The following SMR3B variants were observed in gnomAD, a reference collection of about 807,000 sequenced individuals.
The protein encoded by SMR3B is submaxillary gland androgen regulated protein 3B, also known as submaxillary gland androgen-regulated protein 3B.
For synonymous variants in SMR3B, 42 were observed against 36.1 expected, an observed-to-expected ratio of 1.16 and a Z score of -0.59; for missense variants, 114 against 99.9, an observed-to-expected ratio of 1.14 and a Z score of -0.60.
At chr4:70,388,230 T>A (rs1732699654) in intron 2 of SMR3B, among the ~76,000 whole-genome samples, 1 of 152,186 alleles carries the variant, frequency 6.6e-6, no homozygotes, top group Non-Finnish European at 1.5e-5. Flanking sequence ...AACTGATCGC[T>A]TTAACTCCTT....
chr4:70,384,662 A>T, intron 2 of SMR3B, 98 bp downstream of exon 2: 1 of 1,556,698 alleles, frequency 6.4e-7, no homozygotes, highest in Admixed American at 2.0e-5. Context: ...TTTCTTATAT[A>T]TTAGTAACTA....
In SMR3B at chr4:70,386,457, CAAAT is replaced by C. The variant is rs796556659; in HGVS notation, c.54+1897_54+1900del. Among the ~76,000 whole-genome samples, 34 of 151,542 alleles carry C rather than the reference CAAAT, an allele frequency of 2.2e-4. No homozygotes were observed. In the East Asian group the frequency reaches 4.9e-3, roughly 22 times the overall value. On this transcript the variant is annotated intron_variant, in intron 2 of 2. Coordinates refer to ENST00000304915, the MANE Select transcript of SMR3B (RefSeq NM_006685.4). ...GTGTATATGTACACACACACACACA[CAAAT>C]AAAGCAAGTCTAACTACTATTAGTC...
rs1029809280 is a variant in SMR3B, at chr4:70,383,192, A to T, written c.-35A>T. On this transcript the variant is annotated 5_prime_UTR_variant, in exon 1 of 3. Coordinates refer to ENST00000304915, the MANE Select transcript of SMR3B (RefSeq NM_006685.4). ...TTTGACCAGCAGATTAATCAACTGT[A>T]AGACAGATCCTCACACAAAGGTAGG... 1 of 152,124 alleles carries T rather than the reference A, an allele frequency of 6.6e-6. No homozygotes were observed. Among genetic ancestry groups the T allele is most frequent in the Non-Finnish European group, 1.5e-5 (1 of 68,002 alleles). The allele number at this position is 152,124 out of a possible 1,614,324, so 9.4% of individuals were successfully genotyped here. A position where few individuals can be genotyped will look rare whatever the true frequency, so the allele number is the denominator to read the frequency against.
intron 2 of SMR3B, 131 bp from the exon 3 acceptor site, chr4:70,389,532 G>A (rs1732722831): frequency 9.0e-6 from 8 of 886,306 alleles, no homozygotes; most frequent in Non-Finnish European, 1.2e-5. Context: ...GATAAGGTCA[G>A]GCCAGCATGT....
chr4:70,389,907 C>T lies in SMR3B; in HGVS notation c.*59C>T, dbSNP rs1732733554. On this transcript the variant is annotated 3_prime_UTR_variant, in exon 3 of 3. Transcript: ENST00000304915. ...CCACAGCCTCCTTCCCGACCAAGAC[C>T]CTATCCACCTGGACCTCCATTTTTC... The T allele has an allele frequency of 9.3e-6, 15 of 1,608,722 alleles. 1 individual carries two copies. The Middle Eastern group carries it at 4.9e-4, about 53-fold the overall frequency.
chr4:70,383,796 T>A (rs1222110332), intron 1 of SMR3B, among the ~76,000 whole-genome samples: 2 of 152,100 alleles, frequency 1.3e-5, no homozygotes, highest in East Asian at 1.9e-4. Context: ...TTCCCAAAAA[T>A]CAAGCTATCA....
chr4:70,386,222 A>G (rs1391413906), intron 2 of SMR3B, among the ~76,000 whole-genome samples: 1 of 150,814 alleles, frequency 6.6e-6, no homozygotes, highest in Non-Finnish European at 1.5e-5. Flanking sequence ...GCAGCGAGCC[A>G]AGATTGTGCC....
chr4:70,386,698 T>C (rs999539114), intron 2 of SMR3B, among the ~76,000 whole-genome samples: 1 of 152,324 alleles, frequency 6.6e-6, no homozygotes, highest in Non-Finnish European at 1.5e-5. Flanking sequence ...ATACTTACTA[T>C]GAAGATTTTT....
chr4:70,389,709 C>T lies in SMR3B; in HGVS notation c.101C>T (p.Pro34Leu), dbSNP rs1289351944. 2.4e-5 allele frequency: 39 copies of T among 1,614,024 alleles called. No homozygotes were observed. In the Admixed American group the frequency reaches 2.5e-4, roughly 10 times the overall value. ...RGPRGPYPPG[P>L]LAPPQPFGPG... The stretch of plus-strand genomic sequence containing the variant: ...CCCAGGGGACCATATCCACCTGGAC[C>T]GCTGGCTCCTCCTCAACCTTTTGGC... The change falls in exon 3 of 3, where the codon CCG (proline) becomes CTG (leucine). Residue 34 changes from proline (P) to leucine (L), a missense_variant. Physicochemically the swap from Pro to Leu is moderately conservative, Grantham distance 98. Coordinates refer to ENST00000304915, the MANE Select transcript of SMR3B (RefSeq NM_006685.4).
In SMR3B at chr4:70,383,372, C is replaced by T. The variant is rs144890986; in HGVS notation, c.-15+160C>T. On this transcript the variant is annotated intron_variant, in intron 1 of 2. Coordinates refer to ENST00000304915, the MANE Select transcript of SMR3B (RefSeq NM_006685.4). ...ACATGAAATTGTAAGTCATTAAATG[C>T]AATAAATTTTGAAAAATTCTGGTTT... is the stretch of plus-strand genomic sequence containing the variant. 1.9e-3 allele frequency among the ~76,000 whole-genome samples: 292 copies of T among 152,068 alleles called. 1 individual carries two copies. Among genetic ancestry groups the T allele is most frequent in the African/African-American group, 6.6e-3 (273 of 41,504 alleles).
chr4:70,386,188 G>T (rs191269177), intron 2 of SMR3B, among the ~76,000 whole-genome samples: 1 of 149,388 alleles, frequency 6.7e-6, no homozygotes, highest in Non-Finnish European at 1.5e-5. Flanking sequence ...CAGGAGAATC[G>T]CTTGAACCCG....
intron 1 of SMR3B, among the ~76,000 whole-genome samples, chr4:70,383,652 T>C (rs547252135): frequency 1.1e-4 from 17 of 152,300 alleles, no homozygotes; most frequent in African/African-American, 3.4e-4. Flanking sequence ...CACCCACATA[T>C]ATATAATTGA....
At chr4:70,383,408 G>A (rs1017179351) in intron 1 of SMR3B, among the ~76,000 whole-genome samples, 196 bp downstream of exon 1, 3 of 152,068 alleles carry the variant, frequency 2.0e-5, no homozygotes, top group Admixed American at 2.0e-4. Context: ...TTACAGGTCA[G>A]AGTAAAACAT....
intron 2 of SMR3B, among the ~76,000 whole-genome samples, chr4:70,386,028 C>T (rs1391969679): frequency 2.0e-5 from 3 of 151,642 alleles, no homozygotes; most frequent in African/African-American, 4.8e-5. Context: ...AATCCCAGAA[C>T]TTTGGGAGGC....
chr4:70,384,804 G>A (rs1405765128), intron 2 of SMR3B: 3 of 590,842 alleles, frequency 5.1e-6, no homozygotes, highest in South Asian at 3.1e-5. Flanking sequence ...AAACAGATAC[G>A]TATAAATGTT....
At chr4:70,388,868 T>A (rs1732710668) in intron 2 of SMR3B, among the ~76,000 whole-genome samples, 1 of 152,114 alleles carries the variant, frequency 6.6e-6, no homozygotes, top group South Asian at 2.1e-4. Context: ...TTAGACATAA[T>A]AAGACATTTT....
At chr4:70,386,686 G>A (rs966759951) in intron 2 of SMR3B, among the ~76,000 whole-genome samples, 1 of 152,094 alleles carries the variant, frequency 6.6e-6, no homozygotes, top group Non-Finnish European at 1.5e-5. Flanking sequence ...ATGTGATTGG[G>A]TATACTTACT....
intron 2 of SMR3B, among the ~76,000 whole-genome samples, chr4:70,385,654 T>G (rs2109760718): frequency 6.6e-6 from 1 of 151,948 alleles, no homozygotes; most frequent in Admixed American, 6.5e-5. Context: ...TCCGCCAGCC[T>G]CGGCCTCCCA....
At chr4:70,387,778 A>G (rs550454719) in intron 2 of SMR3B, among the ~76,000 whole-genome samples, 71 of 152,296 alleles carry the variant, frequency 4.7e-4, no homozygotes, top group Middle Eastern at 3.4e-3. Context: ...GGAAAATTAC[A>G]GGCCTCTGGG....
Sources: gnomAD v4.1 joint callset for allele counts (sites outside exome capture counted in the v4.1 genomes callset) on GRCh38, gnomAD v4.1.1 for gene constraint, MANE v1.5 for transcripts, NCBI Gene and HGNC (gene_info 2026-07-23, HGNC 2026-07-21) for gene names.